UGT1A1: variants seen among roughly 807,000 people sequenced by gnomAD.
UGT1A1 encodes UDP-glucuronosyltransferase 1A1.
Under a neutral mutation model 40.6 loss-of-function variants are expected in UGT1A1, and 33 were observed. That is an observed-to-expected ratio of 0.81 (90% confidence interval 0.62 to 1.09). UGT1A1 has a LOEUF of 1.09. Among genes scored for constraint, UGT1A1 ranks in the 50% least tolerant of loss-of-function variants. UGT1A1 has a pLI of 0.00. For missense variants in UGT1A1, 694 were observed against 671.2 expected (o/e 1.03, Z -0.38); for synonymous variants, 249 against 265.0 (o/e 0.94, Z 0.59).
Position 233,769,013 on chromosome 2 carries a change from C to T in UGT1A1, c.1304+574C>T, listed in dbSNP as rs4148328. 0.32 allele frequency among the ~76,000 whole-genome samples: 49,227 copies of T among 151,996 alleles called. 8,798 individuals are homozygous for T. Among genetic ancestry groups the T allele is most frequent in the East Asian group, 0.6 (3,101 of 5,178 alleles). On this transcript the variant is annotated intron_variant, in intron 4 of 4. Transcript: ENST00000305208. The surrounding 1 kb of genome is among the most constrained non-coding windows in gnomAD (Gnocchi z 4.4). ...CCATTAGATTTAAAACTCCAATTTA[C>T]ATAAAAAGTTGCCATAATAGACATC...
In UGT1A1 at chr2:233,766,945, A is replaced by G. The variant is rs1284295869; in HGVS notation, c.865-89A>G. 3.1e-6 allele frequency: 5 copies of G among 1,597,954 alleles called. No homozygotes were observed. In the East Asian group the frequency reaches 1.1e-4, roughly 36 times the overall value. ...ACGCATGCCTTTAATCATAGTCTTA[A>G]GAGGAAGATATCTAATTCATAACTT... On this transcript the variant is annotated intron_variant, in intron 1 of 4. Coordinates refer to ENST00000305208, the MANE Select transcript of UGT1A1 (RefSeq NM_000463.3).
chr2:233,768,296 C>T lies in UGT1A1; in HGVS notation c.1161C>T (p.Pro387=), dbSNP rs763217521. 13 of 1,614,024 alleles carry T rather than the reference C, an allele frequency of 8.1e-6. No homozygotes were observed. In the African/African-American group the frequency reaches 1.1e-4, roughly 13 times the overall value. ...GVYESICNGV[P]MVMMPLFGDQ... is the part of the protein sequence containing the mutation. The stretch of plus-strand genomic sequence containing the variant: ...ATGAAAGCATATGCAATGGCGTTCC[C>T]ATGGTGATGATGCCCTTGTTTGGTG... Residue 387 remains proline (P), a synonymous_variant, in exon 4 of 5, where the codon CCC becomes CCT. Coordinates refer to ENST00000305208, the MANE Select transcript of UGT1A1 (RefSeq NM_000463.3).
chr2:233,768,579 CTTCT>C (rs1699650824), intron 4 of UGT1A1, 140 bp downstream of exon 4: 12 of 934,830 alleles, frequency 1.3e-5, no homozygotes, highest in African/African-American at 2.0e-5. Flanking sequence ...ATTTTTATTT[CTTCT>C]TTTTTTTTTT....
At position 233,761,038 on chromosome 2, in the gene UGT1A1, G is replaced by A; in HGVS notation, c.751G>A (p.Ala251Thr). Reference sequence around the variant, plus strand: ...GACTGTCCAGGACCTATTGAGCTCTGCATCTGTCTGGCTGTTTAGAAGTGA... The same window carrying A: ...GACTGTCCAGGACCTATTGAGCTCTACATCTGTCTGGCTGTTTAGAAGTGA... Reference protein sequence around the residue: ...EVTVQDLLSSASVWLFRSDFV... With the variant: ...EVTVQDLLSSTSVWLFRSDFV... Residue 251 changes from alanine (A) to threonine (T), a missense_variant, in exon 1 of 5, where the codon GCA becomes ACA. Transcript: ENST00000305208. The A allele has an allele frequency of 6.2e-7, 1 of 1,614,174 alleles. No homozygotes were observed. Among genetic ancestry groups the A allele is most frequent in the Non-Finnish European group, 8.5e-7 (1 of 1,180,042 alleles).
intron 4 of UGT1A1, 80 bp from the exon 5 acceptor site, chr2:233,772,181 TC>T: frequency 6.3e-7 from 1 of 1,588,120 alleles, no homozygotes; most frequent in Non-Finnish European, 8.6e-7. Context: ...CTGGTAGTCT[TC>T]TTAAGCAGCC....
chr2:233,765,404 C>T (rs746281443), intron 1 of UGT1A1, among the ~76,000 whole-genome samples: 4 of 152,166 alleles, frequency 2.6e-5, no homozygotes, highest in Non-Finnish European at 2.9e-5. Flanking sequence ...GGTACATATA[C>T]ACCATGGAAT....
At chr2:233,768,470 G>T (rs371026350) in intron 4 of UGT1A1, 31 bp downstream of exon 4, 1 of 1,602,728 alleles carries the variant, frequency 6.2e-7, no homozygotes, top group Non-Finnish European at 8.5e-7. Context: ...GAATACTTTG[G>T]TCATGGCATT....
chr2:233,770,554 A>G (rs1700106811), intron 4 of UGT1A1: 1 of 152,026 alleles, frequency 6.6e-6, no homozygotes, highest in Non-Finnish European at 1.5e-5. Flanking sequence ...GCTATTTGGG[A>G]GGCTGAGGCA....
At position 233,768,350 on chromosome 2, in the gene UGT1A1, G is replaced by A; in HGVS notation, c.1215G>A (p.Glu405=). 1 of 1,614,182 alleles carries A rather than the reference G, an allele frequency of 6.2e-7. No individual in the cohort carries two copies. Among genetic ancestry groups the A allele is most frequent in the East Asian group, 2.2e-5 (1 of 44,880 alleles). Residue 405 remains glutamate, a synonymous_variant, in exon 4 of 5, where the codon GAG becomes GAA. Transcript: ENST00000305208. ...GDQMDNAKRM[E]TKGAGVTLNV... is the part of the protein sequence containing the mutation. ...AGATGGACAATGCAAAGCGCATGGA[G>A]ACTAAGGGAGCTGGAGTGACCCTGA... is the stretch of plus-strand genomic sequence containing the variant.
In UGT1A1 at chr2:233,769,690, G is replaced by A; in HGVS notation, c.1304+1251G>A. ...GTGCTAATGTGTGTGTGGTGGCACT[G>A]GATAAAAGATCAATGTTGGCTAGGC... On this transcript the variant is annotated intron_variant, in intron 4 of 4. Transcript: ENST00000305208. The surrounding 1 kb of genome is among the most constrained non-coding windows in gnomAD (Gnocchi z 4.4). The A allele has an allele frequency of 6.5e-7, 1 of 1,547,510 alleles. No homozygotes were observed. Among genetic ancestry groups the A allele is most frequent in the African/African-American group, 1.4e-5 (1 of 73,636 alleles).
Position 233,760,383 on chromosome 2 carries a change from G to A in UGT1A1, c.96G>A (p.Leu32=), listed in dbSNP as rs1029837369. The A allele has an allele frequency of 6.2e-7, 1 of 1,614,062 alleles. No individual in the cohort carries two copies. The highest frequency in any genetic ancestry group is 1.3e-5 in the African/African-American group (1 of 74,916). The change falls in exon 1 of 5, where the codon TTG becomes TTA. Residue 32 remains leucine (L), a synonymous_variant. Transcript: ENST00000305208. The stretch of plus-strand genomic sequence containing the variant: ...TGTCCCATGCTGGGAAGATACTGTT[G>A]ATCCCAGTGGATGGCAGCCACTGGC... ...PVVSHAGKIL[L]IPVDGSHWLS...
intron 4 of UGT1A1, 47 bp downstream of exon 4, chr2:233,768,486 T>A: frequency 1.3e-6 from 2 of 1,583,238 alleles, no homozygotes; most frequent in East Asian, 2.3e-5. Context: ...GCATTCATGA[T>A]AAAATTGTTT....
In UGT1A1 at chr2:233,761,151, G is replaced by A. The variant is rs748685520; in HGVS notation, c.864G>A (p.Gln288=). Residue 288 remains glutamine, a splice_region_variant and synonymous_variant, in exon 1 of 5, where the codon CAG becomes CAA. Coordinates refer to ENST00000305208, the MANE Select transcript of UGT1A1 (RefSeq NM_000463.3). ...INCLHQNPLS[Q]EFEAYINASG... Reference sequence around the variant, plus strand: ...GCCTTCACCAAAATCCACTATCCCAGGTGTGTATTGGAGTGGGACTTTTAC... The same window carrying A: ...GCCTTCACCAAAATCCACTATCCCAAGTGTGTATTGGAGTGGGACTTTTAC... 3.7e-6 allele frequency: 6 copies of A among 1,614,140 alleles called. No homozygotes were observed. Among genetic ancestry groups the A allele is most frequent in the Non-Finnish European group, 5.1e-6 (6 of 1,180,028 alleles).
chr2:233,764,801 C>T (rs1177973907), intron 1 of UGT1A1, among the ~76,000 whole-genome samples: 8 of 152,184 alleles, frequency 5.3e-5, no homozygotes, highest in African/African-American at 1.9e-4. Context: ...GGTGTTCTTG[C>T]TACAAACCAA....
rs1575845163 is a variant in UGT1A1, at chr2:233,769,671, ATG to A, written c.1304+1241_1304+1242del. 2.5e-6 allele frequency: 4 copies of A among 1,588,796 alleles called. No homozygotes were observed. The highest frequency in any genetic ancestry group is 4.5e-5 in the East Asian group (2 of 44,092). On this transcript the variant is annotated intron_variant, in intron 4 of 4. Coordinates refer to ENST00000305208, the MANE Select transcript of UGT1A1 (RefSeq NM_000463.3). This position sits in a 1 kb window ranked among gnomAD's most constrained non-coding sequence, Gnocchi z 4.4. ...CTGACTTCCCACCTTTGAGGTGCTA[ATG>A]TGTGTGTGGTGGCACTGGATAAAAG...
intron 1 of UGT1A1, among the ~76,000 whole-genome samples, chr2:233,764,723 G>A (rs547202766): frequency 1.3e-5 from 2 of 152,270 alleles, no homozygotes; most frequent in African/African-American, 4.8e-5. Flanking sequence ...CAAGAAAGAG[G>A]GAGAGAAAGA....
In UGT1A1 at chr2:233,760,982, C is replaced by A. The variant is rs147640261; in HGVS notation, c.695C>A (p.Thr232Asn). ...LCDVVYSPYA[T>N]LASEFLQREV... Reference sequence around the variant, plus strand: ...GACGTGGTTTATTCCCCGTATGCAACCCTTGCCTCAGAATTCCTTCAGAGA... The same window carrying A: ...GACGTGGTTTATTCCCCGTATGCAAACCTTGCCTCAGAATTCCTTCAGAGA... The change falls in exon 1 of 5, where the codon ACC (threonine) becomes AAC (asparagine). Residue 232 changes from threonine to asparagine, a missense_variant. Transcript: ENST00000305208. The A allele has an allele frequency of 1.9e-6, 3 of 1,614,220 alleles. No individual in the cohort carries two copies. The highest frequency in any genetic ancestry group is 2.7e-5 in the African/African-American group (2 of 75,052).
chr2:233,767,992 C>T, intron 3 of UGT1A1, 56 bp downstream of exon 3: 1 of 1,614,084 alleles, frequency 6.2e-7, no homozygotes, highest in South Asian at 1.1e-5. Flanking sequence ...AAGAAAATGG[C>T]TTAAGCACAG....
rs540500479 is a variant in UGT1A1 at position 233,771,122 on chromosome 2, G to A, written c.1305-1140G>A. On this transcript the variant is annotated intron_variant, in intron 4 of 4. Coordinates refer to ENST00000305208, the MANE Select transcript of UGT1A1 (RefSeq NM_000463.3). ...GACAGCACTAAAGCACAAGGGATCCGACCCCATGATCCAAACACCTCCCAC... is the reference window on the plus strand; with the variant it reads ...GACAGCACTAAAGCACAAGGGATCCAACCCCATGATCCAAACACCTCCCAC... 7.1e-4 allele frequency: 108 copies of A among 152,186 alleles called. 1 individual carries two copies. The highest frequency in any genetic ancestry group is 2.5e-3 in the African/African-American group (104 of 41,518). 9.4% of individuals were successfully genotyped at this position (152,186 alleles called of 1,614,324 possible). A position where few individuals can be genotyped will look rare whatever the true frequency, so the allele number is the denominator to read the frequency against.
Sources: gnomAD v4.1 joint callset for allele counts (sites outside exome capture counted in the v4.1 genomes callset) on GRCh38, gnomAD v4.1.1 for gene constraint, Gnocchi (gnomAD v3.1) non-coding constraint, MANE v1.5 for transcripts, NCBI Gene and HGNC (gene_info 2026-07-23, HGNC 2026-07-21) for gene names.